Variants in RUNX2 observed in about 807,000 individuals in gnomAD.
RUNX2 encodes the protein runt-related transcription factor 2.
Under a neutral mutation model 51.7 loss-of-function variants are expected in RUNX2, and 10 were observed. The ratio of observed to expected loss-of-function variants is 0.19; its 90% CI spans 0.12 to 0.33. The LOEUF is 0.33. Among genes scored for constraint, RUNX2 ranks in the 10% least tolerant of loss-of-function variants. RUNX2 has a pLI of 1.00. For missense variants in RUNX2, 562 were observed against 691.3 expected, an observed-to-expected ratio of 0.81 and a Z score of 2.10; for synonymous variants, 276 against 273.6, an observed-to-expected ratio of 1.01 and a Z score of -0.09.
intron 2 of RUNX2, chr6:45,422,076 G>T (rs940468586): frequency 6.7e-6 from 1 of 148,180 alleles, no homozygotes; most frequent in African/African-American, 2.4e-5. Flanking sequence ...GCGGCCGCCT[G>T]CAGCTGGGTA....
intron 7 of RUNX2, among the ~76,000 whole-genome samples, chr6:45,533,395 C>G (rs896095725): frequency 2.7e-5 from 4 of 149,858 alleles, no homozygotes; most frequent in African/African-American, 1.0e-4. Context: ...GTTTAAATCA[C>G]TCAGAAGAGA....
chr6:45,354,487 A>G (rs1039263224), intron 2 of RUNX2, among the ~76,000 whole-genome samples: 42 of 152,058 alleles, frequency 2.8e-4, no homozygotes, highest in African/African-American at 1.0e-3. Context: ...TTTTTTGCTC[A>G]TCTGTGTGAG....
At chr6:45,471,447 C>CTT (rs779430509) in intron 5 of RUNX2, among the ~76,000 whole-genome samples, 9 of 139,246 alleles carry the variant, frequency 6.5e-5, no homozygotes, top group South Asian at 4.6e-4. Flanking sequence ...TTCTTTCTTT[C>CTT]TTTTTTTTTT....
intron 2 of RUNX2, among the ~76,000 whole-genome samples, chr6:45,399,031 T>C (rs1797640090): frequency 1.3e-5 from 2 of 152,132 alleles, no homozygotes; most frequent in African/African-American, 4.8e-5. Context: ...TAGTTAGGGA[T>C]AAAAAAATCA....
At chr6:45,341,321 T>A (rs1340585711) in intron 2 of RUNX2, among the ~76,000 whole-genome samples, 1 of 152,182 alleles carries the variant, frequency 6.6e-6, no homozygotes, top group Non-Finnish European at 1.5e-5. Flanking sequence ...ATGAGATATT[T>A]TGCAAAGATA....
In RUNX2 at chr6:45,431,988, C is replaced by G. The variant is rs115974315; in HGVS notation, c.549C>G (p.Asn183Lys). 1 of 1,613,968 alleles carries G rather than the reference C, an allele frequency of 6.2e-7. No homozygotes were observed. The highest frequency in any genetic ancestry group is 1.3e-5 in the African/African-American group (1 of 74,892). The part of the protein sequence containing the change: ...AVMKNQVARF[N>K]DLRFVGRSGR... ...TGAAAAACCAAGTAGCAAGGTTCAA[C>G]GATCTGAGATTTGTGGGCCGGAGTG... Residue 183 changes from asparagine to lysine, a missense_variant, in exon 4 of 9, where the codon AAC becomes AAG. By Grantham distance (94) the Asn-to-Lys change is moderately conservative. This residue lies in a region of RUNX2 where 1 missense variants were observed against 20.3 expected (regional missense o/e 0.05). Coordinates refer to ENST00000647337, the MANE Select transcript of RUNX2 (RefSeq NM_001024630.4).
intron 2 of RUNX2, among the ~76,000 whole-genome samples, chr6:45,407,083 G>A (rs1797850865): frequency 6.6e-6 from 1 of 152,092 alleles, no homozygotes; most frequent in Non-Finnish European, 1.5e-5. Flanking sequence ...ACACAATCTT[G>A]AATTTGGGGG....
chr6:45,415,286 C>A (rs1254586569), intron 2 of RUNX2, among the ~76,000 whole-genome samples: 1 of 152,168 alleles, frequency 6.6e-6, no homozygotes, highest in Non-Finnish European at 1.5e-5. Context: ...AAAAATAACT[C>A]TAAAGAATAC....
chr6:45,412,534 G>C (rs1322506962), intron 2 of RUNX2, among the ~76,000 whole-genome samples: 1 of 152,132 alleles, frequency 6.6e-6, no homozygotes, highest in East Asian at 1.9e-4. Context: ...ATCAAAAACT[G>C]TAGAAAGAGG....
chr6:45,420,134 C>T (rs1001670455), intron 2 of RUNX2, among the ~76,000 whole-genome samples: 2 of 152,152 alleles, frequency 1.3e-5, no homozygotes, highest in African/African-American at 4.8e-5. Context: ...CTGGCTACCC[C>T]GCACCCCCAC....
Position 45,422,641 on chromosome 6 carries a change from C to A in RUNX2, c.107C>A (p.Pro36His). The A allele has an allele frequency of 6.2e-7, 1 of 1,606,768 alleles. No homozygotes were observed. Among genetic ancestry groups the A allele is most frequent in the South Asian group, 1.1e-5 (1 of 89,838 alleles). The part of the protein sequence containing the change: ...RFSPPSSSLQ[P>H]GKMSDVSPVV... ...AGCCCCCCCTCCAGCAGCCTGCAGC[C>A]CGGCAAAATGAGCGACGTGAGCCCG... Residue 36 changes from proline (P) to histidine (H), a missense_variant, in exon 3 of 9, where the codon CCC becomes CAC. By Grantham distance (77) the Pro-to-His change is moderately conservative. Around this residue, in one of 5 missense-constraint regions of RUNX2, gnomAD observed 153 missense variants for 144.8 expected, o/e 1.06. Transcript: ENST00000647337.
At chr6:45,501,289 GA>G (rs1800795785) in intron 6 of RUNX2, among the ~76,000 whole-genome samples, 1 of 152,334 alleles carries the variant, frequency 6.6e-6, no homozygotes, top group African/African-American at 2.4e-5. Flanking sequence ...GTCAGTCCAT[GA>G]AAAACTCTGC....
At chr6:45,346,567 C>CTTTTTTTT (rs71745024) in intron 2 of RUNX2, among the ~76,000 whole-genome samples, 11 of 140,430 alleles carry the variant, frequency 7.8e-5, no homozygotes, top group Non-Finnish European at 1.1e-4. Flanking sequence ...ATAAACATTT[C>CTTTTTTTT]TTTTTTTTTT....
At chr6:45,412,730 G>T (rs1205337781) in intron 2 of RUNX2, among the ~76,000 whole-genome samples, 1 of 151,156 alleles carries the variant, frequency 6.6e-6, no homozygotes, top group Non-Finnish European at 1.5e-5. Flanking sequence ...GGTGGGAACT[G>T]CCCCTTTTAT....
At chr6:45,375,261 T>C (rs899869696) in intron 2 of RUNX2, among the ~76,000 whole-genome samples, 3 of 152,216 alleles carry the variant, frequency 2.0e-5, no homozygotes, top group Non-Finnish European at 2.9e-5. Flanking sequence ...CCTAAAACTA[T>C]ATATTACAAG....
chr6:45,540,786 G>A (rs999412506), intron 7 of RUNX2, among the ~76,000 whole-genome samples: 1 of 142,548 alleles, frequency 7.0e-6, no homozygotes, highest in Non-Finnish European at 1.6e-5. Flanking sequence ...TCTCCCCAGG[G>A]CTCCCTAGTG....
intron 3 of RUNX2, among the ~76,000 whole-genome samples, chr6:45,423,956 A>G (rs1051760253): frequency 1.4e-4 from 21 of 152,228 alleles, no homozygotes; most frequent in African/African-American, 5.1e-4. Flanking sequence ...AGTTCGCCCA[A>G]CTTGAAAACG....
At chr6:45,514,834 T>C (rs1801269306) in intron 7 of RUNX2, among the ~76,000 whole-genome samples, 1 of 152,162 alleles carries the variant, frequency 6.6e-6, no homozygotes, top group South Asian at 2.1e-4. Context: ...AGTTAGACAA[T>C]TTATATCTTA....
chr6:45,412,543 G>C (rs116395964), intron 2 of RUNX2, among the ~76,000 whole-genome samples: 1 of 151,974 alleles, frequency 6.6e-6, no homozygotes, highest in South Asian at 2.1e-4. Context: ...TGTAGAAAGA[G>C]GTTTCACTTA....
Sources: allele counts gnomAD v4.1 joint callset (sites outside exome capture counted in the v4.1 genomes callset), GRCh38; gene constraint gnomAD v4.1.1; regional missense constraint gnomAD v4.1.1; transcripts MANE v1.5; gene names NCBI Gene and HGNC (gene_info 2026-07-23, HGNC 2026-07-21).